Variants in EXD2 observed in about 807,000 individuals in gnomAD.
EXD2 encodes exonuclease 3'-5' domain containing 2.
Under a neutral mutation model 62.5 loss-of-function variants are expected in EXD2, and 40 were observed. The ratio of observed to expected loss-of-function variants is 0.64; its 90% CI spans 0.50 to 0.83. The LOEUF (loss-of-function observed/expected upper bound fraction) is 0.83. EXD2 is among the 40% of genes least tolerant of loss of function. The pLI is 0.00. For missense variants in EXD2, 671 were observed against 761.8 expected (o/e 0.88, Z 1.40); for synonymous variants, 239 against 291.9 (o/e 0.82, Z 1.85).
rs974923377 is a variant in EXD2, at chr14:69,209,457, T to G, written c.-14T>G. On this transcript the variant is annotated 5_prime_UTR_variant, in exon 3 of 10. Transcript: ENST00000685843. ...ATTAGTGATATGCTTTTCTAAAGAG[T>G]AGAAAAGTCGAAGATGTCTAGACAG... is the stretch of plus-strand genomic sequence containing the variant. The G allele has an allele frequency of 6.7e-7, 1 of 1,484,714 alleles. No homozygotes were observed. The highest frequency in any genetic ancestry group is 1.4e-5 in the African/African-American group (1 of 70,624). The allele number at this position is 1,484,714 out of a possible 1,614,324, so 92.0% of individuals were successfully genotyped here.
chr14:69,203,214 A>G (rs1015151301), intron 1 of EXD2, among the ~76,000 whole-genome samples: 1 of 150,244 alleles, frequency 6.7e-6, no homozygotes, highest in Admixed American at 6.7e-5. Context: ...GCATGCCACC[A>G]TGCCTGGCTG....
chr14:69,235,894 A>G, intron 6 of EXD2, 152 bp from the exon 7 acceptor site: 3 of 718,660 alleles, frequency 4.2e-6, no homozygotes, highest in South Asian at 3.0e-5. Context: ...AGGATTAAAC[A>G]TGGTTTCTCA....
intron 6 of EXD2, chr14:69,235,738 T>A (rs1010656626): frequency 1.6e-5 from 6 of 375,468 alleles, no homozygotes; most frequent in Admixed American, 4.4e-5. Context: ...TTGGCAGTTT[T>A]CTTGTTGCTT....
chr14:69,237,778 G>T lies in EXD2; in HGVS notation c.1496G>T (p.Arg499Leu), dbSNP rs762241953. Residue 499 changes from arginine to leucine, a missense_variant, in exon 9 of 10, where the codon CGC becomes CTC. Arg to Leu is a moderately radical substitution (Grantham distance 102). Transcript: ENST00000685843. Reference protein sequence around the residue: ...EGLRLLEDPERRQVRSGARAL... With the variant: ...EGLRLLEDPELRQVRSGARAL... ...TTGCGCCTGCTGGAAGATCCTGAGC[G>T]CCGGCAGGTGCGTTCTGGGGCCAGG... The T allele has an allele frequency of 2.5e-6, 4 of 1,613,456 alleles. No homozygotes were observed. Among genetic ancestry groups the T allele is most frequent in the Admixed American group, 1.7e-5 (1 of 59,788 alleles).
intron 3 of EXD2, among the ~76,000 whole-genome samples, chr14:69,223,930 T>A (rs1594764834): frequency 6.6e-6 from 1 of 152,298 alleles, no homozygotes. Context: ...CATGGCCACA[T>A]CTGCTTCTGG....
intron 5 of EXD2, among the ~76,000 whole-genome samples, chr14:69,231,711 G>C (rs1023777409): frequency 1.3e-5 from 2 of 151,838 alleles, no homozygotes; most frequent in African/African-American, 4.8e-5. Flanking sequence ...CTATCATCTG[G>C]CTCCTCCCAG....
intron 4 of EXD2, 97 bp from the exon 5 acceptor site, chr14:69,230,375 G>A: frequency 1.5e-6 from 1 of 682,902 alleles, no homozygotes; most frequent in Non-Finnish European, 2.5e-6. Flanking sequence ...GATTCAGTAT[G>A]TTATCTCTGT....
Position 69,237,343 on chromosome 14 carries a change from A to G in EXD2, c.1293-232A>G, listed in dbSNP as rs559197960. Among the ~76,000 whole-genome samples, 4 of 152,298 alleles carry G rather than the reference A, an allele frequency of 2.6e-5. No individual in the cohort carries two copies. In the South Asian group the frequency reaches 8.3e-4, roughly 32 times the overall value. ...TGTCACTATGCTGGCCCACCACTGA[A>G]GCCCACAGCAGGTGGTCTGTACTTA... On this transcript the variant is annotated intron_variant, in intron 8 of 9. Coordinates refer to ENST00000685843, the MANE Select transcript of EXD2 (RefSeq NM_001193360.2).
chr14:69,231,057 C>T (rs556222592), intron 5 of EXD2, among the ~76,000 whole-genome samples: 2 of 152,052 alleles, frequency 1.3e-5, no homozygotes, highest in South Asian at 2.1e-4. Flanking sequence ...TGTGAGCTAC[C>T]GAGCCTGGCC....
chr14:69,228,869 A>T lies in EXD2; in HGVS notation c.387A>T (p.Pro129=), dbSNP rs748565076. 2.5e-6 allele frequency: 4 copies of T among 1,613,972 alleles called. No individual in the cohort carries two copies. The highest frequency in any genetic ancestry group is 3.4e-6 in the Non-Finnish European group (4 of 1,180,024). The change falls in exon 4 of 10, where the codon CCA becomes CCT. Residue 129 remains proline, a synonymous_variant. Coordinates refer to ENST00000685843, the MANE Select transcript of EXD2 (RefSeq NM_001193360.2). ...TGTCACTTCTACAAATGGCCTCCCCAAGTGGCCTGTGTGTCTTGGTTCGCC... is the reference window on the plus strand; with the variant it reads ...TGTCACTTCTACAAATGGCCTCCCCTAGTGGCCTGTGTGTCTTGGTTCGCC... ...SPLSLLQMAS[P]SGLCVLVRLP... is the part of the protein sequence containing the mutation.
intron 2 of EXD2, among the ~76,000 whole-genome samples, chr14:69,206,882 G>A (rs1259441553): frequency 3.1e-4 from 47 of 151,984 alleles, no homozygotes; most frequent in Admixed American, 3.1e-3. Context: ...CTTTTCAGTG[G>A]TTTCTCCAGC....
chr14:69,199,583 C>T (rs1480503186), intron 1 of EXD2, among the ~76,000 whole-genome samples: 2 of 151,416 alleles, frequency 1.3e-5, no homozygotes, highest in Non-Finnish European at 2.9e-5. Context: ...TCTTTATAAG[C>T]TCTTTTCAAC....
At chr14:69,220,264 T>TTTTTTTTTTTG (rs2043133295) in intron 3 of EXD2, among the ~76,000 whole-genome samples, 1 of 86,290 alleles carries the variant, frequency 1.2e-5, no homozygotes, top group African/African-American at 4.8e-5. Flanking sequence ...TTTTTTTTTT[T>TTTTTTTTTTTG]TTTTTTTTTT....
intron 2 of EXD2, among the ~76,000 whole-genome samples, chr14:69,207,635 G>A (rs12890560): frequency 0.32 from 48,332 of 152,114 alleles, 10,010 homozygotes; most frequent in East Asian, 0.92. Context: ...TAGCTTTTAG[G>A]CCAGAGGCCA....
At chr14:69,225,011 AC>A (rs2043310477) in intron 3 of EXD2, among the ~76,000 whole-genome samples, 4 of 152,154 alleles carry the variant, frequency 2.6e-5, no homozygotes. Context: ...TCAATTACCT[AC>A]ATGCTCTTAA....
intron 7 of EXD2, 60 bp from the exon 8 acceptor site, chr14:69,236,347 T>C: frequency 6.2e-7 from 1 of 1,612,576 alleles, no homozygotes; most frequent in Non-Finnish European, 8.5e-7. Context: ...TAGTGCTGCT[T>C]CTTGGGTGTG....
intron 1 of EXD2, among the ~76,000 whole-genome samples, chr14:69,201,149 G>A (rs1282451135): frequency 6.6e-6 from 1 of 151,554 alleles, no homozygotes; most frequent in East Asian, 1.9e-4. Flanking sequence ...AAAATTTGGT[G>A]TATATTTTAC....
Position 69,236,543 on chromosome 14 carries a change from G to C in EXD2, c.1292+1G>C. On this transcript the variant is annotated splice_donor_variant, in intron 8 of 9. Transcript: ENST00000685843. LOFTEE classifies it high-confidence loss of function. ...GTGGCAAGAGAGACTCCTACATTCG[G>C]TGAGTGCAGCATTGGGCCACCCTGG... The C allele has an allele frequency of 1.2e-6, 2 of 1,614,180 alleles. No individual in the cohort carries two copies. The highest frequency in any genetic ancestry group is 1.7e-6 in the Non-Finnish European group (2 of 1,180,018).
intron 3 of EXD2, among the ~76,000 whole-genome samples, chr14:69,210,510 A>C (rs1377026148): frequency 6.6e-6 from 1 of 152,192 alleles, no homozygotes; most frequent in East Asian, 1.9e-4. Context: ...AGTGCATATA[A>C]AAGTTATGCT....
Sources: gnomAD v4.1 joint callset for allele counts (sites outside exome capture counted in the v4.1 genomes callset) on GRCh38, gnomAD v4.1.1 for gene constraint, MANE v1.5 for transcripts, NCBI Gene and HGNC (gene_info 2026-07-23, HGNC 2026-07-21) for gene names.